The following ASTN2 variants were observed in gnomAD, a reference collection of about 807,000 sequenced individuals.
ASTN2 encodes the protein astrotactin 2.
ASTN2 carries 54 observed loss-of-function variants against 139.8 expected under a neutral mutation model. That is an observed-to-expected ratio of 0.39 (90% confidence interval 0.31 to 0.48). The LOEUF (loss-of-function observed/expected upper bound fraction) is 0.48, where lower values mean the gene tolerates loss of function less well. ASTN2 is among the 20% of genes least tolerant of loss of function. The probability of loss-of-function intolerance (pLI) is 0.95; values close to 1 mark genes in which losing one functional copy is unlikely to be tolerated. For synonymous variants in ASTN2, 756 were observed against 719.5 expected (o/e 1.05, Z -0.81); for missense variants, 1,565 against 1,725.1 (o/e 0.91, Z 1.64).
intron 1 of ASTN2, among the ~76,000 whole-genome samples, chr9:117,354,650 T>C (rs1829486201): frequency 1.3e-5 from 2 of 152,162 alleles, no homozygotes; most frequent in Admixed American, 1.3e-4. Context: ...CACCAGACCT[T>C]ATATGATCTG....
intron 5 of ASTN2, among the ~76,000 whole-genome samples, chr9:117,047,726 C>G (rs1838785563): frequency 6.6e-6 from 1 of 152,018 alleles, no homozygotes; most frequent in Admixed American, 6.5e-5. Flanking sequence ...TTCTTCAAAC[C>G]AAACACTAAT....
chr9:117,192,523 C>T (rs1161336967), intron 3 of ASTN2, among the ~76,000 whole-genome samples: 3 of 152,096 alleles, frequency 2.0e-5, no homozygotes, highest in Non-Finnish European at 4.4e-5. Context: ...ATAAATTAAG[C>T]TCAAATTTTA....
chr9:117,005,489 C>A (rs1054693258), intron 7 of ASTN2, among the ~76,000 whole-genome samples: 23 of 152,082 alleles, frequency 1.5e-4, no homozygotes, highest in Non-Finnish European at 2.6e-4. Flanking sequence ...CCTTCCAGTT[C>A]CTCAATGTGG....
At chr9:116,793,714 C>T (rs542534275) in intron 13 of ASTN2, among the ~76,000 whole-genome samples, 1 of 152,304 alleles carries the variant, frequency 6.6e-6, no homozygotes, top group South Asian at 2.1e-4. Context: ...TCCTTGGACC[C>T]AGCAGCTAAT....
In ASTN2 at chr9:117,214,394, G is replaced by A; in HGVS notation, c.979C>T (p.His327Tyr). The A allele has an allele frequency of 1.2e-6, 2 of 1,610,028 alleles. No individual in the cohort carries two copies. Among genetic ancestry groups the A allele is most frequent in the East Asian group, 2.2e-5 (1 of 44,742 alleles). Residue 327 changes from histidine to tyrosine, a missense_variant, in exon 3 of 23, where the codon CAT becomes TAT. This residue lies in a region of ASTN2 where 596 missense variants were observed against 576.8 expected (regional missense o/e 1.03). Coordinates refer to ENST00000313400, the MANE Select transcript of ASTN2 (RefSeq NM_001365068.1). ...QVTHTLDSLG[H>Y]PGEEKVDFEK... ...AAGTCCACCTTCTCTTCCCCTGGAT[G>A]TCCCAGACTGTCCAGAGTGTGGGTC...
At chr9:116,570,941 G>T (rs1175719624) in intron 19 of ASTN2, among the ~76,000 whole-genome samples, 1 of 152,140 alleles carries the variant, frequency 6.6e-6, no homozygotes, top group African/African-American at 2.4e-5. Context: ...TTTAAAAAAG[G>T]TATATTTTTA....
intron 2 of ASTN2, among the ~76,000 whole-genome samples, chr9:117,275,741 T>C (rs1022466473): frequency 2.0e-5 from 3 of 152,050 alleles, no homozygotes; most frequent in African/African-American, 7.2e-5. Context: ...AATTTTTGTA[T>C]TTTTAGTAGA....
chr9:117,315,417 C>T (rs1221776451), intron 1 of ASTN2, among the ~76,000 whole-genome samples: 1 of 152,178 alleles, frequency 6.6e-6, no homozygotes, highest in African/African-American at 2.4e-5. Context: ...TCCCAGCCGC[C>T]AACCATGTGA....
intron 13 of ASTN2, among the ~76,000 whole-genome samples, chr9:116,737,610 C>CGTGTGTGTGTGTGTGTGTGTGTGT (rs57891581): frequency 7.3e-6 from 1 of 137,250 alleles, no homozygotes; most frequent in African/African-American, 2.7e-5. Flanking sequence ...CATGTGCCAA[C>CGTGTGTGTGTGTGTGTGTGTGTGT]GTGTGTGTGT....
intron 2 of ASTN2, among the ~76,000 whole-genome samples, chr9:117,222,333 A>C (rs943860337): frequency 1.3e-5 from 2 of 152,082 alleles, no homozygotes; most frequent in African/African-American, 4.8e-5. Context: ...ACCCCTACTA[A>C]GCTCTTGCTA....
intron 19 of ASTN2, among the ~76,000 whole-genome samples, chr9:116,516,758 T>C (rs1850668996): frequency 6.6e-6 from 1 of 152,192 alleles, no homozygotes; most frequent in African/African-American, 2.4e-5. Flanking sequence ...GAAATAGGCT[T>C]GGTGCTGTTG....
intron 10 of ASTN2, among the ~76,000 whole-genome samples, chr9:116,957,020 C>G (rs1835726543): frequency 6.6e-6 from 1 of 150,628 alleles, no homozygotes; most frequent in Non-Finnish European, 1.5e-5. Context: ...TGTACTGATT[C>G]AATGCAGTCC....
At chr9:117,105,631 A>C (rs1330429903) in intron 4 of ASTN2, among the ~76,000 whole-genome samples, 4 of 152,156 alleles carry the variant, frequency 2.6e-5, no homozygotes, top group Admixed American at 2.0e-4. Flanking sequence ...TATATCATGC[A>C]ACCATAGGTA....
chr9:116,466,577 A>T (rs1445442704), intron 20 of ASTN2, among the ~76,000 whole-genome samples: 5 of 152,114 alleles, frequency 3.3e-5, no homozygotes, highest in African/African-American at 9.7e-5. Context: ...CACCTTCCTC[A>T]GACAGAACAT....
At chr9:117,216,126 A>T (rs1832311566) in intron 2 of ASTN2, among the ~76,000 whole-genome samples, 1 of 152,238 alleles carries the variant, frequency 6.6e-6, no homozygotes, top group Non-Finnish European at 1.5e-5. Flanking sequence ...AAGATGACAG[A>T]TGTTAGCTGT....
intron 10 of ASTN2, among the ~76,000 whole-genome samples, chr9:116,888,567 G>A (rs1157942948): frequency 6.6e-6 from 1 of 151,978 alleles, no homozygotes; most frequent in Non-Finnish European, 1.5e-5. Flanking sequence ...CTGTCACCCA[G>A]GCTGGAATGC....
intron 2 of ASTN2, among the ~76,000 whole-genome samples, chr9:117,221,994 A>T (rs1832538060): frequency 6.6e-6 from 1 of 152,192 alleles, no homozygotes; most frequent in Non-Finnish European, 1.5e-5. Context: ...TGACAATTTG[A>T]TCTACAAAAT....
At chr9:116,547,812 G>C (rs760177454) in intron 19 of ASTN2, 1 of 152,304 alleles carries the variant, frequency 6.6e-6, no homozygotes, top group Non-Finnish European at 1.5e-5. Flanking sequence ...TTTGCAGGCA[G>C]GTCAAGGCGC....
At chr9:117,017,560 T>C (rs1159812758) in intron 6 of ASTN2, among the ~76,000 whole-genome samples, 1 of 152,206 alleles carries the variant, frequency 6.6e-6, no homozygotes, top group Non-Finnish European at 1.5e-5. Flanking sequence ...ATAGTCTTGG[T>C]AAGCCTCCTG....
Sources: allele counts gnomAD v4.1 joint callset (sites outside exome capture counted in the v4.1 genomes callset), GRCh38; gene constraint gnomAD v4.1.1; regional missense constraint gnomAD v4.1.1; transcripts MANE v1.5; gene names NCBI Gene and HGNC (gene_info 2026-07-23, HGNC 2026-07-21).